Variants in DNAH11 observed in about 807,000 individuals in gnomAD.
The protein encoded by DNAH11 is dynein axonemal heavy chain 11.
DNAH11 carries 442 observed loss-of-function variants against 526.0 expected under a neutral mutation model. The ratio of observed to expected loss-of-function variants is 0.84; its 90% confidence interval spans 0.78 to 0.91. The LOEUF (loss-of-function observed/expected upper bound fraction) is 0.91. Ranked by LOEUF, DNAH11 falls within the 40% of genes least tolerant of loss-of-function variation. The pLI is 0.00. For missense variants in DNAH11, 6,989 were observed against 5,448.7 expected (o/e 1.28, Z -8.90); for synonymous variants, 2,461 against 1,935.9 (o/e 1.27, Z -7.12).
intron 61 of DNAH11, among the ~76,000 whole-genome samples, chr7:21,797,410 G>T (rs1216247049): frequency 1.3e-5 from 2 of 151,440 alleles, no homozygotes; most frequent in East Asian, 3.9e-4. Context: ...GTAGAGACGG[G>T]GTTTCTCTAT....
intron 68 of DNAH11, among the ~76,000 whole-genome samples, chr7:21,859,690 A>G (rs1295239111): frequency 6.6e-6 from 1 of 152,088 alleles, no homozygotes; most frequent in Non-Finnish European, 1.5e-5. Context: ...ATAAATAGAT[A>G]TTTTTATATT....
rs544787009 is a variant in DNAH11, at chr7:21,729,432, G to A, written c.7440+3448G>A. 1.1e-3 allele frequency among the ~76,000 whole-genome samples: 162 copies of A among 152,258 alleles called. No homozygotes were observed. The Middle Eastern group carries it at 0.014, about 13-fold the overall frequency. Reference sequence around the variant, plus strand: ...CAGAATACACTTTCTCATGTTCTGCGTATGGACAAGCTGAGAATTTCCCAA... The same window carrying A: ...CAGAATACACTTTCTCATGTTCTGCATATGGACAAGCTGAGAATTTCCCAA... On this transcript the variant is annotated intron_variant, in intron 45 of 81. Coordinates refer to ENST00000409508, the MANE Select transcript of DNAH11 (RefSeq NM_001277115.2).
At chr7:21,750,526 G>A (rs1413747753) in intron 54 of DNAH11, among the ~76,000 whole-genome samples, 162 bp downstream of exon 54, 1 of 152,216 alleles carries the variant, frequency 6.6e-6, no homozygotes, top group Non-Finnish European at 1.5e-5. Context: ...TTCCTAAAGT[G>A]TCCCATGATG....
intron 6 of DNAH11, among the ~76,000 whole-genome samples, chr7:21,566,132 C>T (rs192253639): frequency 5.3e-5 from 8 of 152,094 alleles, no homozygotes; most frequent in African/African-American, 1.7e-4. Context: ...TCCTTGTTAA[C>T]GTATGAATCA....
intron 46 of DNAH11, among the ~76,000 whole-genome samples, chr7:21,736,825 CA>C (rs1333372576): frequency 6.6e-6 from 1 of 152,012 alleles, no homozygotes; most frequent in African/African-American, 2.4e-5. Flanking sequence ...ACCTGTCCCC[CA>C]AAAAGAGCCA....
chr7:21,898,760 C>G (rs977617883), intron 79 of DNAH11, among the ~76,000 whole-genome samples: 2 of 152,218 alleles, frequency 1.3e-5, no homozygotes, highest in African/African-American at 2.4e-5. Context: ...AGCAGCGTTT[C>G]TCAACCCACC....
Position 21,744,530 on chromosome 7 carries a change from A to G in DNAH11, c.8247A>G (p.Lys2749=), listed in dbSNP as rs367806628. ...AATCTGCCCGTGTTTATGGAGACAA[A>G]CTGATAGACAAAAAAGATTGTGATT... The part of the protein sequence containing the change: ...LHESARVYGD[K]LIDKKDCDLF... Residue 2749 remains lysine (K), a synonymous_variant, in exon 50 of 82, where the codon AAA becomes AAG. Coordinates refer to ENST00000409508, the MANE Select transcript of DNAH11 (RefSeq NM_001277115.2). 9.5e-5 allele frequency: 153 copies of G among 1,613,656 alleles called. 1 individual carries two copies. Among genetic ancestry groups the G allele is most frequent in the Admixed American group, 4.0e-4 (24 of 59,972 alleles).
intron 8 of DNAH11, among the ~76,000 whole-genome samples, chr7:21,572,825 T>G (rs756364020): frequency 7.9e-5 from 12 of 152,306 alleles, no homozygotes; most frequent in South Asian, 4.1e-4. Context: ...GGTGACTTTT[T>G]GCTAAACCAG....
intron 28 of DNAH11, among the ~76,000 whole-genome samples, chr7:21,651,588 T>A (rs1781774521): frequency 6.6e-6 from 1 of 152,202 alleles, no homozygotes; most frequent in South Asian, 2.1e-4. Flanking sequence ...CTGTATGCAT[T>A]TTAAATTATA....
intron 30 of DNAH11, among the ~76,000 whole-genome samples, chr7:21,676,941 G>C (rs531426958): frequency 6.6e-6 from 1 of 152,234 alleles, no homozygotes; most frequent in East Asian, 1.9e-4. Context: ...TAATTCATCT[G>C]TTCAGCATAC....
At chr7:21,668,625 A>G (rs1782515882) in intron 30 of DNAH11, among the ~76,000 whole-genome samples, 1 of 152,176 alleles carries the variant, frequency 6.6e-6, no homozygotes, top group African/African-American at 2.4e-5. Flanking sequence ...TTTTTCAACG[A>G]ACATATTTTT....
At chr7:21,582,418 A>C (rs1222810403) in intron 9 of DNAH11, among the ~76,000 whole-genome samples, 1 of 152,192 alleles carries the variant, frequency 6.6e-6, no homozygotes, top group Non-Finnish European at 1.5e-5. Context: ...ATTCTGACTG[A>C]AACAAATAGC....
At chr7:21,741,821 C>G in intron 48 of DNAH11, 106 bp from the exon 49 acceptor site, 4 of 1,298,244 alleles carry the variant, frequency 3.1e-6, no homozygotes, top group Non-Finnish European at 4.2e-6. Context: ...TAAAAAGCTA[C>G]ATGGTAATGG....
chr7:21,800,967 C>T (rs1162299615), intron 61 of DNAH11, among the ~76,000 whole-genome samples, 170 bp from the exon 62 acceptor site: 2 of 152,154 alleles, frequency 1.3e-5, no homozygotes, highest in Non-Finnish European at 1.5e-5. Flanking sequence ...GTGTTTATTT[C>T]ATTATATCCT....
At chr7:21,867,560 G>C (rs1354754803) in intron 71 of DNAH11, among the ~76,000 whole-genome samples, 1 of 152,198 alleles carries the variant, frequency 6.6e-6, no homozygotes, top group East Asian at 1.9e-4. Context: ...GAATCTGGCA[G>C]GGGATTTGGG....
chr7:21,612,049 A>T (rs1249132945), intron 20 of DNAH11, among the ~76,000 whole-genome samples: 1 of 152,200 alleles, frequency 6.6e-6, no homozygotes, highest in Non-Finnish European at 1.5e-5. Context: ...TAAAATAGGG[A>T]ATGATTGTAC....
chr7:21,780,671 G>T (rs1459486422), intron 57 of DNAH11, among the ~76,000 whole-genome samples: 1 of 152,112 alleles, frequency 6.6e-6, no homozygotes, highest in Non-Finnish European at 1.5e-5. Flanking sequence ...TCATCTGACA[G>T]GTTGTTTAGT....
Position 21,637,624 on chromosome 7 carries a change from A to G in DNAH11, c.4739A>G (p.Lys1580Arg). The G allele has an allele frequency of 6.3e-7, 1 of 1,585,976 alleles. No homozygotes were observed. The highest frequency in any genetic ancestry group is 8.6e-7 in the Non-Finnish European group (1 of 1,164,998). Reference protein sequence around the residue: ...VDAEFKELMFKTAKVENVLEA... With the variant: ...VDAEFKELMFRTAKVENVLEA... ...ACTTTCATGCAGGAGTTAATGTTCA[A>G]GACAGCCAAAGTAGAAAATGTGTTA... Residue 1580 changes from lysine to arginine, a missense_variant, in exon 27 of 82, where the codon AAG becomes AGG. Coordinates refer to ENST00000409508, the MANE Select transcript of DNAH11 (RefSeq NM_001277115.2).
At chr7:21,556,030 C>A (rs369671865) in intron 2 of DNAH11, among the ~76,000 whole-genome samples, 1 of 152,194 alleles carries the variant, frequency 6.6e-6, no homozygotes, top group African/African-American at 2.4e-5. Context: ...TACAGCAGGT[C>A]ATTTATCTCC....
Sources: gnomAD v4.1 joint callset for allele counts (sites outside exome capture counted in the v4.1 genomes callset) on GRCh38, gnomAD v4.1.1 for gene constraint, MANE v1.5 for transcripts, NCBI Gene and HGNC (gene_info 2026-07-23, HGNC 2026-07-21) for gene names.